Variants in ADAMTS9 observed in about 807,000 individuals in gnomAD.
The protein encoded by ADAMTS9 is ADAM metallopeptidase with thrombospondin type 1 motif 9, also known as A disintegrin and metalloproteinase with thrombospondin motifs 9.
In ADAMTS9, 107 loss-of-function variants were observed where a neutral mutation model predicts 257.1. The ratio of observed to expected loss-of-function variants is 0.42; its 90% CI spans 0.36 to 0.49. ADAMTS9 has a LOEUF of 0.49. ADAMTS9 is among the 20% of genes least tolerant of loss of function. The probability of loss-of-function intolerance (pLI) is 0.03; values close to 1 mark genes in which losing one functional copy is unlikely to be tolerated. For synonymous variants in ADAMTS9, 982 were observed against 880.9 expected (o/e 1.11, Z -2.03); for missense variants, 2,353 against 2,469.1 (o/e 0.95, Z 1.00).
chr3:64,562,816 T>A (rs1296667920), intron 29 of ADAMTS9: 2 of 152,218 alleles, frequency 1.3e-5, no homozygotes, highest in Non-Finnish European at 2.9e-5. Flanking sequence ...ACATTCAACT[T>A]TCTTTGAGAC....
intron 26 of ADAMTS9, among the ~76,000 whole-genome samples, chr3:64,599,100 G>C (rs942215266): frequency 6.6e-6 from 1 of 152,104 alleles, no homozygotes; most frequent in African/African-American, 2.4e-5. Context: ...TGAAGTGCTG[G>C]TGATAGCTCT....
In ADAMTS9 at chr3:64,651,129, T is replaced by C; in HGVS notation, c.1351A>G (p.Lys451Glu). 1 of 1,594,200 alleles carries C rather than the reference T, an allele frequency of 6.3e-7. No individual in the cohort carries two copies. Among genetic ancestry groups the C allele is most frequent in the Non-Finnish European group, 8.5e-7 (1 of 1,173,070 alleles). The change falls in exon 9 of 40, where the codon AAA (lysine) becomes GAA (glutamate). Residue 451 changes from lysine to glutamate, a missense_variant. Lys to Glu is a moderately conservative substitution (Grantham distance 56). Coordinates refer to ENST00000498707, the MANE Select transcript of ADAMTS9 (RefSeq NM_182920.2). ...NMPHDDNNKC[K>E]EEGVKSPQHV... Reference sequence around the variant, plus strand: ...TGGGGACTCTTAACTCCTTCTTCTTTACATTTGTTGTTGTCATCATGAGGC... The same window carrying C: ...TGGGGACTCTTAACTCCTTCTTCTTCACATTTGTTGTTGTCATCATGAGGC...
At chr3:64,651,533 G>A (rs1175108224) in intron 8 of ADAMTS9, among the ~76,000 whole-genome samples, 1 of 152,150 alleles carries the variant, frequency 6.6e-6, no homozygotes, top group Admixed American at 6.5e-5. Flanking sequence ...ATAGAGTCAA[G>A]AATTTGGCAG....
At chr3:64,630,361 C>T (rs1700337501) in intron 16 of ADAMTS9, among the ~76,000 whole-genome samples, 1 of 152,128 alleles carries the variant, frequency 6.6e-6, no homozygotes, top group African/African-American at 2.4e-5. Context: ...GCCAGGAGTT[C>T]AAGCCCAGCC....
intron 25 of ADAMTS9, among the ~76,000 whole-genome samples, chr3:64,603,549 G>A (rs977809103): frequency 6.6e-6 from 1 of 152,094 alleles, no homozygotes; most frequent in Non-Finnish European, 1.5e-5. Flanking sequence ...GGATGCAGGA[G>A]GAATCTAGAC....
intron 3 of ADAMTS9, among the ~76,000 whole-genome samples, chr3:64,661,871 T>A (rs1020963843): frequency 6.6e-6 from 1 of 152,140 alleles, no homozygotes; most frequent in African/African-American, 2.4e-5. Context: ...AGTAAAGTGT[T>A]AGACATTTTA....
rs180968963 is a variant in ADAMTS9 at position 64,568,269 on chromosome 3, T to C, written c.4524+99A>G. The C allele has an allele frequency of 2.6e-4, 362 of 1,405,408 alleles. 4 individuals are homozygous for C. In the East Asian group the frequency reaches 7.8e-3, roughly 30 times the overall value. The allele number at this position is 1,405,408 out of a possible 1,614,324, so 87.1% of individuals were successfully genotyped here. On this transcript the variant is annotated intron_variant, in intron 29 of 39. Coordinates refer to ENST00000498707, the MANE Select transcript of ADAMTS9 (RefSeq NM_182920.2). ...CTCCCAGTCCCCGAGCTCCCCTCGG[T>C]AAAACCAAAACCGTGCATAGAAACA...
At chr3:64,531,178 A>C (rs1575983961) in intron 38 of ADAMTS9, among the ~76,000 whole-genome samples, 1 of 152,258 alleles carries the variant, frequency 6.6e-6, no homozygotes, top group East Asian at 1.9e-4. Context: ...CACAGACACA[A>C]ACTTAATCAT....
At chr3:64,682,257 G>A (rs952333470) in intron 2 of ADAMTS9, among the ~76,000 whole-genome samples, 1 of 152,166 alleles carries the variant, frequency 6.6e-6, no homozygotes, top group African/African-American at 2.4e-5. Context: ...AAGAGTTACT[G>A]TGCAGATTAA....
chr3:64,554,537 C>A (rs898196352), intron 30 of ADAMTS9, among the ~76,000 whole-genome samples: 2 of 152,096 alleles, frequency 1.3e-5, no homozygotes, highest in Non-Finnish European at 2.9e-5. Flanking sequence ...TGACTCTTTC[C>A]CCTGTCCTGG....
intron 38 of ADAMTS9, among the ~76,000 whole-genome samples, chr3:64,530,711 A>C (rs1396006354): frequency 6.6e-6 from 1 of 152,088 alleles, no homozygotes; most frequent in African/African-American, 2.4e-5. Flanking sequence ...CTAACGAATA[A>C]AATTATAATT....
rs139126890 is a variant in ADAMTS9 at position 64,546,828 on chromosome 3, G to A, written c.4994C>T (p.Pro1665Leu). The A allele has an allele frequency of 3.3e-5, 53 of 1,613,964 alleles. No individual in the cohort carries two copies. In the African/African-American group the frequency reaches 6.3e-4, roughly 19 times the overall value. Residue 1665 changes from proline (P) to leucine (L), a missense_variant, in exon 32 of 40, where the codon CCC becomes CTC. Around this residue, in one of 3 missense-constraint regions of ADAMTS9, gnomAD observed 1,402 missense variants for 1,441.4 expected, o/e 0.97. Coordinates refer to ENST00000498707, the MANE Select transcript of ADAMTS9 (RefSeq NM_182920.2). ...CCTCAGGTAACAGGGGTGAACACTG[G>A]GGGGCTGCGTGCCTGGGCAGTTGAT... Reference protein sequence around the residue: ...TTINCPGTQPPSVHPCYLRDC... With the variant: ...TTINCPGTQPLSVHPCYLRDC...
rs534588443 is a variant in ADAMTS9, at chr3:64,654,560, C to T, written c.1210+12G>A. Reference sequence around the variant, plus strand: ...CGGTTTTAGCCATAGAAGATACGCACAGAGAACTCACCTAAGGTATCACAT... The same window carrying T: ...CGGTTTTAGCCATAGAAGATACGCATAGAGAACTCACCTAAGGTATCACAT... On this transcript the variant is annotated intron_variant, in intron 7 of 39. Transcript: ENST00000498707. The T allele has an allele frequency of 6.2e-7, 1 of 1,614,056 alleles. No homozygotes were observed. Among genetic ancestry groups the T allele is most frequent in the South Asian group, 1.1e-5 (1 of 91,066 alleles).
chr3:64,634,027 G>C, intron 12 of ADAMTS9, 148 bp from the exon 13 acceptor site: 1 of 724,314 alleles, frequency 1.4e-6, no homozygotes, highest in South Asian at 1.9e-5. Context: ...TCTGATCCCT[G>C]GTTTTGCATC....
chr3:64,554,376 T>C (rs2083305397), intron 30 of ADAMTS9, among the ~76,000 whole-genome samples: 1 of 152,218 alleles, frequency 6.6e-6, no homozygotes, highest in Non-Finnish European at 1.5e-5. Flanking sequence ...CAACAGCAGC[T>C]CTGAAAATCA....
At chr3:64,557,857 T>C (rs902377964) in intron 30 of ADAMTS9, among the ~76,000 whole-genome samples, 3 of 152,214 alleles carry the variant, frequency 2.0e-5, no homozygotes, top group Non-Finnish European at 4.4e-5. Context: ...GATGTGTGGA[T>C]AGAGCACTTT....
intron 37 of ADAMTS9, among the ~76,000 whole-genome samples, chr3:64,533,542 G>C (rs1018013510): frequency 6.6e-6 from 1 of 152,226 alleles, no homozygotes; most frequent in Non-Finnish European, 1.5e-5. Context: ...AACTTCTCCA[G>C]GATACGGTAG....
At chr3:64,537,580 G>GA (rs1156440225) in intron 37 of ADAMTS9, among the ~76,000 whole-genome samples, 2 of 152,028 alleles carry the variant, frequency 1.3e-5, no homozygotes, top group East Asian at 3.9e-4. Context: ...GCTTGAGGCC[G>GA]AAAAAACGCC....
Position 64,631,443 on chromosome 3 carries a change from A to C in ADAMTS9, c.2389+12T>G, listed in dbSNP as rs1166489758. Reference sequence around the variant, plus strand: ...AACCAGAACTCGCAAGTAGTGAGGCATCCCATCTCACCTAAGTAGTTGTCA... The same window carrying C: ...AACCAGAACTCGCAAGTAGTGAGGCCTCCCATCTCACCTAAGTAGTTGTCA... On this transcript the variant is annotated intron_variant, in intron 16 of 39. Coordinates refer to ENST00000498707, the MANE Select transcript of ADAMTS9 (RefSeq NM_182920.2). 6.2e-7 allele frequency: 1 copy of C among 1,608,802 alleles called. No individual in the cohort carries two copies. The highest frequency in any genetic ancestry group is 1.7e-5 in the Admixed American group (1 of 60,006).
Sources: allele counts gnomAD v4.1 joint callset (sites outside exome capture counted in the v4.1 genomes callset), GRCh38; gene constraint gnomAD v4.1.1; regional missense constraint gnomAD v4.1.1; transcripts MANE v1.5; gene names NCBI Gene and HGNC (gene_info 2026-07-23, HGNC 2026-07-21).